PPP1R7: variants seen among roughly 807,000 people sequenced by gnomAD.
PPP1R7 encodes the protein protein phosphatase 1 regulatory subunit 22.
In PPP1R7, 18 loss-of-function variants were observed where a neutral mutation model predicts 45.2. That is an observed-to-expected ratio of 0.40 (90% CI 0.28 to 0.59). PPP1R7 has a LOEUF of 0.59. Among genes scored for constraint, PPP1R7 ranks in the 20% least tolerant of loss-of-function variants. The probability of loss-of-function intolerance (pLI) is 0.46; values close to 1 mark genes in which losing one functional copy is unlikely to be tolerated. For synonymous variants in PPP1R7, 181 were observed against 183.4 expected (o/e 0.99, Z 0.11); for missense variants, 314 against 455.8 (o/e 0.69, Z 2.83).
At chr2:241,168,496 G>A (rs566138293) in intron 8 of PPP1R7, among the ~76,000 whole-genome samples, 3 of 152,320 alleles carry the variant, frequency 2.0e-5, no homozygotes, top group South Asian at 2.1e-4. Flanking sequence ...GCGGTGTGTC[G>A]TTGGATTACC....
At position 241,153,745 on chromosome 2, in the gene PPP1R7, G is replaced by A. The variant is rs116570793; in HGVS notation, c.181+141G>A. The A allele has an allele frequency of 3.3e-4, 348 of 1,066,556 alleles. 4 individuals are homozygous for A. In the African/African-American group the frequency reaches 5.1e-3, roughly 16 times the overall value. The allele number at this position is 1,066,556 out of a possible 1,614,324, so 66.1% of individuals were successfully genotyped here. ...CCTTAGGGGTCCTCAGTGGCCCAGG[G>A]CAGGTGGATATGCTCTTTGAGGTGC... On this transcript the variant is annotated intron_variant, in intron 2 of 9. Coordinates refer to ENST00000234038, the MANE Select transcript of PPP1R7 (RefSeq NM_002712.3).
intron 8 of PPP1R7, chr2:241,167,101 TCAG>T (rs2067732103): frequency 1.9e-6 from 3 of 1,605,900 alleles, no homozygotes; most frequent in Non-Finnish European, 2.6e-6. Context: ...CCCACCCTCC[TCAG>T]CTGCCTCCAG....
intron 2 of PPP1R7, 111 bp downstream of exon 2, chr2:241,153,715 G>C (rs993336607): frequency 2.8e-6 from 4 of 1,409,244 alleles, no homozygotes; most frequent in Admixed American, 4.4e-5. Context: ...AAGGACTGCC[G>C]TGCTCCTTAG....
intron 8 of PPP1R7, 27 bp downstream of exon 8, chr2:241,166,468 C>T: frequency 1.9e-6 from 3 of 1,603,196 alleles, no homozygotes; most frequent in Non-Finnish European, 2.6e-6. Flanking sequence ...CTGTCTGGGG[C>T]TGTGTGGGCG....
At chr2:241,154,408 C>T (rs1407533207) in intron 2 of PPP1R7, among the ~76,000 whole-genome samples, 1 of 152,020 alleles carries the variant, frequency 6.6e-6, no homozygotes, top group East Asian at 1.9e-4. Flanking sequence ...CTAGATGTGG[C>T]CGGGCGTAAT....
chr2:241,183,502 G>A lies in PPP1R7; in HGVS notation c.*679G>A, dbSNP rs1365652999. On this transcript the variant is annotated 3_prime_UTR_variant, in exon 10 of 10. Transcript: ENST00000234038. ...GGGAGGGTGTCCTGTGTCCCACACG[G>A]TGCTGTGCTGCTGCCAGAATACGAG... The A allele has an allele frequency of 4.3e-6, 2 of 467,786 alleles. No individual in the cohort carries two copies. The highest frequency in any genetic ancestry group is 3.1e-5 in the South Asian group (2 of 63,964). 29.0% of individuals were successfully genotyped at this position (467,786 alleles called of 1,614,324 possible).
intron 9 of PPP1R7, 46 bp downstream of exon 9, chr2:241,169,913 G>A (rs756302182): frequency 7.1e-7 from 1 of 1,413,162 alleles, no homozygotes; most frequent in African/African-American, 1.4e-5. Context: ...GACTAAACTG[G>A]TCTCACTGAT....
intron 8 of PPP1R7, chr2:241,167,143 T>C (rs1047672424): frequency 7.2e-7 from 1 of 1,395,752 alleles, no homozygotes; most frequent in Admixed American, 2.2e-5. Flanking sequence ...AGTGCGGTGT[T>C]CAAGACAAAT....
At chr2:241,149,837 G>A, upstream of PPP1R7, 1 of 1,498,972 alleles carries the variant, frequency 6.7e-7, no homozygotes, top group South Asian at 1.3e-5. Context: ...GGCTGGGAAC[G>A]ACTTGCAAGG....
chr2:241,170,097 A>G (rs535384668), intron 9 of PPP1R7, among the ~76,000 whole-genome samples: 10 of 152,312 alleles, frequency 6.6e-5, no homozygotes, highest in African/African-American at 2.4e-4. Flanking sequence ...GAAATGCAAA[A>G]TCTTGGGCCC....
At chr2:241,149,573 C>A, upstream of PPP1R7, 1 of 1,389,254 alleles carries the variant, frequency 7.2e-7, no homozygotes, top group Non-Finnish European at 9.8e-7. Flanking sequence ...TAGCCAGAGT[C>A]TAGAAGCCCG....
chr2:241,176,724 G>A (rs1174437337), intron 9 of PPP1R7, among the ~76,000 whole-genome samples: 1 of 152,146 alleles, frequency 6.6e-6, no homozygotes, highest in Non-Finnish European at 1.5e-5. Context: ...GCTTCCCAAA[G>A]TGTTGGGATT....
chr2:241,176,071 T>G (rs1193905885), intron 9 of PPP1R7, among the ~76,000 whole-genome samples: 2 of 151,964 alleles, frequency 1.3e-5, no homozygotes, highest in Non-Finnish European at 2.9e-5. Flanking sequence ...AGCCACTATG[T>G]CTGGACCATT....
At chr2:241,162,819 A>G (rs2067624347) in intron 6 of PPP1R7, among the ~76,000 whole-genome samples, 1 of 152,016 alleles carries the variant, frequency 6.6e-6, no homozygotes, top group Non-Finnish European at 1.5e-5. Flanking sequence ...AGTAGCTGGA[A>G]CTACAGGCAC....
Position 241,162,178 on chromosome 2 carries a change from G to T in PPP1R7, c.598-1107G>T, listed in dbSNP as rs192763151. 1.6e-4 allele frequency among the ~76,000 whole-genome samples: 25 copies of T among 152,308 alleles called. No homozygotes were observed. In the East Asian group the frequency reaches 4.6e-3, roughly 28 times the overall value. ...AAGTGTCTCACTATGGAACTTTCTA[G>T]GGCAACAGTGGCTCATCACAAATTA... On this transcript the variant is annotated intron_variant, in intron 6 of 9. Transcript: ENST00000234038.
chr2:241,158,488 T>C lies in PPP1R7; in HGVS notation c.242T>C (p.Val81Ala). 6.2e-7 allele frequency: 1 copy of C among 1,614,044 alleles called. No individual in the cohort carries two copies. The highest frequency in any genetic ancestry group is 8.5e-7 in the Non-Finnish European group (1 of 1,179,888). ...TAGATTTCTGCTTTGTTTCAGGATG[T>C]TGATTTGAATCACTATCGCATAGGG... ...TINLDRDAED[V>A]DLNHYRIGKI... Residue 81 changes from valine to alanine, a missense_variant, in exon 4 of 10, where the codon GTT becomes GCT. Around this residue, in one of 3 missense-constraint regions of PPP1R7, gnomAD observed 112 missense variants for 144.5 expected, o/e 0.78. Coordinates refer to ENST00000234038, the MANE Select transcript of PPP1R7 (RefSeq NM_002712.3).
At chr2:241,157,893 CGTG>C (rs771980659) in intron 3 of PPP1R7, 31 bp downstream of exon 3, 1 of 1,601,734 alleles carries the variant, frequency 6.2e-7, no homozygotes, top group Non-Finnish European at 8.6e-7. Flanking sequence ...CAGCCTTGGG[CGTG>C]GTGATGGACC....
chr2:241,166,720 C>T (rs1391710086), intron 8 of PPP1R7, among the ~76,000 whole-genome samples: 2 of 152,240 alleles, frequency 1.3e-5, no homozygotes, highest in Non-Finnish European at 2.9e-5. Flanking sequence ...CCCTAGGCTT[C>T]CTCAATGGGG....
intron 9 of PPP1R7, among the ~76,000 whole-genome samples, chr2:241,175,824 C>G (rs1019664107): frequency 1.1e-4 from 17 of 152,152 alleles, no homozygotes; most frequent in African/African-American, 4.1e-4. Flanking sequence ...GCTCTTGTCA[C>G]CCAGGCTGGA....
Sources: allele counts gnomAD v4.1 joint callset (sites outside exome capture counted in the v4.1 genomes callset), GRCh38; gene constraint gnomAD v4.1.1; regional missense constraint gnomAD v4.1.1; transcripts MANE v1.5; gene names NCBI Gene and HGNC (gene_info 2026-07-23, HGNC 2026-07-21).